The following ZNF407 variants were observed in gnomAD, a reference collection of about 807,000 sequenced individuals.
ZNF407 encodes zinc finger protein 407.
Under a neutral mutation model 131.2 loss-of-function variants are expected in ZNF407, and 17 were observed. The ratio of observed to expected loss-of-function variants is 0.13; its 90% CI spans 0.09 to 0.19. The LOEUF (loss-of-function observed/expected upper bound fraction) is 0.19, where lower values mean the gene tolerates loss of function less well. Among genes scored for constraint, ZNF407 ranks in the 10% least tolerant of loss-of-function variants. The probability of loss-of-function intolerance (pLI) is 1.00; values close to 1 mark genes in which losing one functional copy is unlikely to be tolerated. For missense variants in ZNF407, 2,681 were observed against 2,830.6 expected, an observed-to-expected ratio of 0.95 and a Z score of 1.20; for synonymous variants, 1,156 against 1,062.0, an observed-to-expected ratio of 1.09 and a Z score of -1.72.
chr18:74,720,640 A>C (rs1216544149), intron 3 of ZNF407, among the ~76,000 whole-genome samples: 4 of 152,076 alleles, frequency 2.6e-5, no homozygotes, highest in Admixed American at 2.6e-4. Context: ...TGGGTTTTAC[A>C]TTTAGGTGCT....
At chr18:74,957,135 G>C (rs960079387) in intron 8 of ZNF407, among the ~76,000 whole-genome samples, 1 of 152,148 alleles carries the variant, frequency 6.6e-6, no homozygotes, top group African/African-American at 2.4e-5. Flanking sequence ...GCCCCACCCA[G>C]TGGCCTAGGA....
At chr18:74,796,242 C>T (rs1969917684) in intron 4 of ZNF407, among the ~76,000 whole-genome samples, 1 of 151,936 alleles carries the variant, frequency 6.6e-6, no homozygotes, top group African/African-American at 2.4e-5. Context: ...CATTTTTTTC[C>T]AGGCTGAAGA....
At position 75,048,057 on chromosome 18, in the gene ZNF407, T is replaced by C. The variant is rs993951828; in HGVS notation, c.5429-15093T>C. ...CTTATATTGGTTTTTATATAGAATATGGCACGTGTTGGTATTCATAACTCG... is the reference window on the plus strand; with the variant it reads ...CTTATATTGGTTTTTATATAGAATACGGCACGTGTTGGTATTCATAACTCG... On this transcript the variant is annotated intron_variant, in intron 8 of 8. Transcript: ENST00000299687. This position sits in a 1 kb window ranked among gnomAD's most constrained non-coding sequence, Gnocchi z 4.1. Among the ~76,000 whole-genome samples, 4 of 152,212 alleles carry C rather than the reference T, an allele frequency of 2.6e-5. No individual in the cohort carries two copies. Among genetic ancestry groups the C allele is most frequent in the Non-Finnish European group, 5.9e-5 (4 of 68,036 alleles).
intron 8 of ZNF407, among the ~76,000 whole-genome samples, chr18:75,045,960 A>T (rs1339183689): frequency 6.6e-6 from 1 of 152,218 alleles, no homozygotes; most frequent in Non-Finnish European, 1.5e-5. Context: ...GGTATTTCCC[A>T]TCTTAATGCA....
intron 3 of ZNF407, among the ~76,000 whole-genome samples, chr18:74,749,138 A>T (rs1456804886): frequency 6.6e-6 from 1 of 152,126 alleles, no homozygotes; most frequent in East Asian, 1.9e-4. Flanking sequence ...CAAAACTCTC[A>T]TTTGTTAGCC....
chr18:74,779,976 A>T (rs1376896852), intron 3 of ZNF407, among the ~76,000 whole-genome samples: 1 of 151,684 alleles, frequency 6.6e-6, no homozygotes, highest in Non-Finnish European at 1.5e-5. Context: ...GGAAATGAAA[A>T]ATGTTATTTT....
intron 3 of ZNF407, among the ~76,000 whole-genome samples, chr18:74,701,387 TC>T: frequency 1.3e-5 from 2 of 152,240 alleles, no homozygotes; most frequent in Non-Finnish European, 2.9e-5. Context: ...CAAAGATTGG[TC>T]ATCCTGTGAT....
At chr18:75,013,399 A>G (rs969572204) in intron 8 of ZNF407, among the ~76,000 whole-genome samples, 2 of 152,152 alleles carry the variant, frequency 1.3e-5, no homozygotes, top group Non-Finnish European at 2.9e-5. Context: ...GGCAGCAAAG[A>G]AAAGAATCTC....
At chr18:74,598,098 TCCGCCC>T in intron 1 of ZNF407, 161 bp downstream of exon 1, 1 of 60,360 alleles carries the variant, frequency 1.7e-5, no homozygotes, top group Admixed American at 1.6e-4. Flanking sequence ...TCCCCCCGCC[TCCGCCC>T]CTCCCTGTCG....
At chr18:74,704,843 A>G (rs558918745) in intron 3 of ZNF407, among the ~76,000 whole-genome samples, 177 of 152,318 alleles carry the variant, frequency 1.2e-3, no homozygotes, top group African/African-American at 3.9e-3. Flanking sequence ...TGAGTAGCAG[A>G]TAACACCCAT....
At chr18:74,970,569 A>G (rs912410264) in intron 8 of ZNF407, among the ~76,000 whole-genome samples, 5 of 152,238 alleles carry the variant, frequency 3.3e-5, no homozygotes, top group African/African-American at 9.6e-5. Context: ...AAGGTCCAAA[A>G]TGATCTCCTT....
intron 3 of ZNF407, among the ~76,000 whole-genome samples, chr18:74,737,897 T>C (rs1424719114): frequency 6.6e-6 from 1 of 152,220 alleles, no homozygotes; most frequent in Non-Finnish European, 1.5e-5. Context: ...TTTTGTTATA[T>C]TTATGAACAT....
At chr18:74,908,871 T>G (rs1807476654) in intron 7 of ZNF407, among the ~76,000 whole-genome samples, 1 of 152,118 alleles carries the variant, frequency 6.6e-6, no homozygotes, top group South Asian at 2.1e-4. Context: ...ACATTTTTTG[T>G]CTTTTTTTTA....
At chr18:74,603,782 A>G (rs1293787778) in intron 1 of ZNF407, among the ~76,000 whole-genome samples, 1 of 152,252 alleles carries the variant, frequency 6.6e-6, no homozygotes, top group Non-Finnish European at 1.5e-5. Context: ...TTCCATAGGT[A>G]ACCACTGTTA....
At chr18:74,816,008 C>T (rs1049361834) in intron 4 of ZNF407, among the ~76,000 whole-genome samples, 2 of 152,170 alleles carry the variant, frequency 1.3e-5, no homozygotes, top group Non-Finnish European at 2.9e-5. Flanking sequence ...GTTTACTTCT[C>T]CAGCACGATT....
rs375140725 is a variant in ZNF407, at chr18:75,033,086, G to A, written c.5429-30064G>A. Among the ~76,000 whole-genome samples, 287 of 105,688 alleles carry A rather than the reference G, an allele frequency of 2.7e-3. 4 individuals are homozygous for A. The highest frequency in any genetic ancestry group is 1.0e-2 in the African/African-American group (262 of 26,272). 69.3% of individuals were successfully genotyped at this position (105,688 alleles called of 152,430 possible). ...TAGTATTAGATAACTAAGAGTGCTC[G>A]GAATGGGGGGAAGATAGCATTAGAT... On this transcript the variant is annotated intron_variant, in intron 8 of 8. Transcript: ENST00000299687.
At chr18:74,650,516 G>C (rs1568146517) in intron 3 of ZNF407, among the ~76,000 whole-genome samples, 1 of 152,130 alleles carries the variant, frequency 6.6e-6, no homozygotes, top group Admixed American at 6.5e-5. Flanking sequence ...CTGCTGTGTT[G>C]GTGTAGTTCA....
At chr18:75,030,224 A>G (rs1402919400) in intron 8 of ZNF407, among the ~76,000 whole-genome samples, 1 of 152,178 alleles carries the variant, frequency 6.6e-6, no homozygotes, top group East Asian at 1.9e-4. Context: ...TTGTCCATGA[A>G]CTTCACTGGA....
Position 74,877,236 on chromosome 18 carries a change from G to A in ZNF407, c.4917G>A (p.Glu1639=), listed in dbSNP as rs1367205045. The A allele has an allele frequency of 6.2e-7, 1 of 1,614,016 alleles. No homozygotes were observed. Among genetic ancestry groups the A allele is most frequent in the Non-Finnish European group, 8.5e-7 (1 of 1,179,876 alleles). Residue 1639 remains glutamate (E), a synonymous_variant, in exon 5 of 9, where the codon GAG becomes GAA. Transcript: ENST00000299687. ...TCHLCDRSFT[E]KWALNNHMKL... ...ACTTATGTGATAGAAGTTTCACAGAGAAGTGGGCCCTGAACAACCACATGA... is the reference window on the plus strand; with the variant it reads ...ACTTATGTGATAGAAGTTTCACAGAAAAGTGGGCCCTGAACAACCACATGA...
Sources: gnomAD v4.1 joint callset for allele counts (sites outside exome capture counted in the v4.1 genomes callset) on GRCh38, gnomAD v4.1.1 for gene constraint, Gnocchi (gnomAD v3.1) non-coding constraint, MANE v1.5 for transcripts, NCBI Gene and HGNC (gene_info 2026-07-23, HGNC 2026-07-21) for gene names.